The following EXOC6 variants were observed in gnomAD, a reference collection of about 807,000 sequenced individuals.
The protein encoded by EXOC6 is exocyst complex component 6, also known as SEC15-like 1.
In EXOC6, 60 loss-of-function variants were observed where a neutral mutation model predicts 112.5. The ratio of observed to expected loss-of-function variants is 0.53; its 90% confidence interval spans 0.43 to 0.66. The LOEUF is 0.66. EXOC6 is among the 30% of genes least tolerant of loss of function. The pLI, the probability that EXOC6 is intolerant of heterozygous loss-of-function variation, is 0.00. For synonymous variants in EXOC6, 295 were observed against 308.0 expected (o/e 0.96, Z 0.44); for missense variants, 855 against 957.1 (o/e 0.89, Z 1.41).
At chr10:93,023,063 C>T (rs1844859824) in intron 20 of EXOC6, among the ~76,000 whole-genome samples, 3 of 148,824 alleles carry the variant, frequency 2.0e-5, no homozygotes, top group South Asian at 4.3e-4. Context: ...TTCAAGCATA[C>T]TTAGAAAGGC....
At chr10:92,896,111 GTA>G (rs1243350763) in intron 4 of EXOC6, among the ~76,000 whole-genome samples, 16,764 of 64,802 alleles carry the variant, frequency 0.26, 4,999 homozygotes, top group Admixed American at 0.33. Context: ...ATATATATGT[GTA>G]TATATATGTG....
At chr10:93,025,231 T>G (rs1844974189) in intron 20 of EXOC6, among the ~76,000 whole-genome samples, 1 of 152,158 alleles carries the variant, frequency 6.6e-6, no homozygotes. Flanking sequence ...ATGAACAAAT[T>G]GTGTGATGGT....
chr10:92,921,447 C>T (rs764324157), intron 8 of EXOC6, among the ~76,000 whole-genome samples: 3 of 151,656 alleles, frequency 2.0e-5, no homozygotes, highest in Non-Finnish European at 2.9e-5. Context: ...GGGGTTTCAC[C>T]TTGTTGGCCA....
chr10:92,996,086 C>A (rs551538982), intron 18 of EXOC6, among the ~76,000 whole-genome samples: 129 of 152,114 alleles, frequency 8.5e-4, no homozygotes, highest in Admixed American at 5.9e-3. Flanking sequence ...AGCTTTCTGG[C>A]CTTTGAGATA....
At chr10:92,954,822 A>G in intron 16 of EXOC6, 81 bp downstream of exon 16, 2 of 651,794 alleles carry the variant, frequency 3.1e-6, no homozygotes, top group South Asian at 4.0e-5. Flanking sequence ...GTCATTCTGT[A>G]AAACTAGCTT....
intron 1 of EXOC6, among the ~76,000 whole-genome samples, chr10:92,828,153 T>A (rs1846416204): frequency 1.3e-5 from 2 of 152,238 alleles, no homozygotes; most frequent in African/African-American, 4.8e-5. Flanking sequence ...TATACAATCA[T>A]GTATTCCGCA....
intron 20 of EXOC6, among the ~76,000 whole-genome samples, chr10:93,046,226 A>G (rs1184447993): frequency 6.6e-6 from 1 of 152,198 alleles, no homozygotes; most frequent in Non-Finnish European, 1.5e-5. Flanking sequence ...TACAAAGTAC[A>G]TTATTAGAAG....
At chr10:92,972,479 G>A (rs531016348) in intron 17 of EXOC6, among the ~76,000 whole-genome samples, 8 of 152,224 alleles carry the variant, frequency 5.3e-5, no homozygotes, top group African/African-American at 1.7e-4. Context: ...AAATATTCAT[G>A]ATGATTCCTG....
At chr10:92,920,287 A>G (rs1396173071) in intron 8 of EXOC6, among the ~76,000 whole-genome samples, 1 of 151,976 alleles carries the variant, frequency 6.6e-6, no homozygotes, top group East Asian at 1.9e-4. Flanking sequence ...ATTTCTCCCT[A>G]TTGCCTTTGT....
intron 12 of EXOC6, among the ~76,000 whole-genome samples, chr10:92,936,197 G>C (rs1379375309): frequency 6.6e-6 from 1 of 152,198 alleles, no homozygotes; most frequent in Non-Finnish European, 1.5e-5. Flanking sequence ...GAAATTAGAA[G>C]ATATAAATTC....
chr10:92,914,552 A>G (rs972570777), intron 6 of EXOC6, among the ~76,000 whole-genome samples: 1 of 152,230 alleles, frequency 6.6e-6, no homozygotes, highest in African/African-American at 2.4e-5. Flanking sequence ...CTCTAAATAA[A>G]TGATTTTATA....
At chr10:92,906,464 T>C (rs1272384889) in intron 5 of EXOC6, among the ~76,000 whole-genome samples, 2 of 152,120 alleles carry the variant, frequency 1.3e-5, no homozygotes, top group African/African-American at 4.8e-5. Flanking sequence ...AATTTGTACT[T>C]TGTAGGCCAG....
chr10:93,003,571 T>C (rs1244638381), intron 19 of EXOC6, among the ~76,000 whole-genome samples: 1 of 152,212 alleles, frequency 6.6e-6, no homozygotes, highest in African/African-American at 2.4e-5. Context: ...TTAAGTCAAC[T>C]TCTTTATAGG....
intron 20 of EXOC6, among the ~76,000 whole-genome samples, chr10:93,018,010 C>CAA (rs373643138): frequency 8.4e-4 from 77 of 91,610 alleles, no homozygotes; most frequent in African/African-American, 1.9e-3. Flanking sequence ...AACTCTGTCT[C>CAA]AAAAAAAAAA....
intron 20 of EXOC6, among the ~76,000 whole-genome samples, chr10:93,034,993 G>A (rs1445008247): frequency 6.6e-6 from 1 of 152,184 alleles, no homozygotes; most frequent in African/African-American, 2.4e-5. Context: ...CCTCCAGCAA[G>A]CATTTTTTCC....
intron 20 of EXOC6, among the ~76,000 whole-genome samples, chr10:93,053,134 G>C (rs995801085): frequency 1.3e-5 from 2 of 152,176 alleles, no homozygotes; most frequent in African/African-American, 4.8e-5. Flanking sequence ...GTGAAGGCAA[G>C]TATTAGTGTT....
chr10:93,011,421 G>T (rs1242497830), intron 19 of EXOC6, among the ~76,000 whole-genome samples: 1 of 151,860 alleles, frequency 6.6e-6, no homozygotes, highest in African/African-American at 2.4e-5. Context: ...CACCATGCCT[G>T]GCTAATTTTA....
chr10:93,051,858 C>A (rs1846305377), intron 20 of EXOC6, among the ~76,000 whole-genome samples: 1 of 152,112 alleles, frequency 6.6e-6, no homozygotes, highest in African/African-American at 2.4e-5. Context: ...CTCAGCTTTG[C>A]TTTTTGGAGG....
chr10:93,044,939 C>T (rs1414974843), intron 20 of EXOC6, among the ~76,000 whole-genome samples: 1 of 152,160 alleles, frequency 6.6e-6, no homozygotes, highest in African/African-American at 2.4e-5. Flanking sequence ...GTGGTGCAAT[C>T]TCGGCTCACT....
Sources: gnomAD v4.1 joint callset for allele counts (sites outside exome capture counted in the v4.1 genomes callset) on GRCh38, gnomAD v4.1.1 for gene constraint, MANE v1.5 for transcripts, NCBI Gene and HGNC (gene_info 2026-07-23, HGNC 2026-07-21) for gene names.